Variants in MGAM observed in about 807,000 individuals in gnomAD.
MGAM encodes alpha-1,4-glucosidase.
A neutral mutation model predicts 358.8 loss-of-function variants in MGAM; 253 were observed. The observed-to-expected ratio is 0.71, with a 90% CI of 0.64 to 0.78. The LOEUF is 0.78. Among genes scored for constraint, MGAM ranks in the 30% least tolerant of loss-of-function variants. MGAM has a pLI of 0.00. For synonymous variants in MGAM, 1,105 were observed against 1,227.1 expected (o/e 0.90, Z 2.08); for missense variants, 3,080 against 3,432.6 (o/e 0.90, Z 2.57).
At chr7:142,014,612 C>G (rs1358285718) in intron 3 of MGAM, among the ~76,000 whole-genome samples, 1 of 152,070 alleles carries the variant, frequency 6.6e-6, no homozygotes, top group Non-Finnish European at 1.5e-5. Context: ...ACCTTTTCCT[C>G]CATCCTCTTT....
At position 142,008,706 on chromosome 7, in the gene MGAM, GT is replaced by G. The variant is rs1554453388; in HGVS notation, c.327+4del. On this transcript the variant is annotated splice_donor_variant, in intron 3 of 70. Transcript: ENST00000475668. LOFTEE classifies it high-confidence loss of function. ...CATCCCTGACCAGCCGCCAACAAAG[GT>G]TTGAGTTATGAATTTTGTTTCCATT... 2 of 1,607,638 alleles carry G rather than the reference GT, an allele frequency of 1.2e-6. No homozygotes were observed. Among genetic ancestry groups the G allele is most frequent in the Non-Finnish European group, 1.7e-6 (2 of 1,176,960 alleles).
chr7:142,044,006 G>A (rs1463345867), intron 21 of MGAM, among the ~76,000 whole-genome samples: 18 of 115,802 alleles, frequency 1.6e-4, no homozygotes, highest in South Asian at 5.0e-4. Context: ...CACATACGAC[G>A]TATAATATAT....
intron 64 of MGAM, 36 bp downstream of exon 64, chr7:142,095,749 T>A (rs1815849668): frequency 6.2e-7 from 1 of 1,608,648 alleles, no homozygotes; most frequent in South Asian, 1.1e-5. Context: ...GCCTAATGGA[T>A]GACTTATTGC....
intron 3 of MGAM, among the ~76,000 whole-genome samples, chr7:142,010,087 A>G (rs1805486863): frequency 6.6e-6 from 1 of 152,164 alleles, no homozygotes; most frequent in Non-Finnish European, 1.5e-5. Flanking sequence ...TGTAAATACC[A>G]TTGTTTGATT....
rs558635459 is a variant in MGAM at position 142,105,908 on chromosome 7, TCTAA to T, written c.*25_*28del. On this transcript the variant is annotated 3_prime_UTR_variant, in exon 71 of 71. Transcript: ENST00000475668. ...ACTCTGTGAATTTTTACAGCAAGAT[TCTAA>T]CTAACTATGAATGACTTTGAAACTA... The T allele has an allele frequency of 6.0e-3, 9,348 of 1,559,984 alleles. 37 individuals carry two copies. Among genetic ancestry groups the T allele is most frequent in the Non-Finnish European group, 7.3e-3 (8,252 of 1,130,958 alleles).
At chr7:142,063,427 C>T (rs2129042089) in intron 35 of MGAM, 72 bp from the exon 36 acceptor site, 3 of 1,541,312 alleles carry the variant, frequency 1.9e-6, no homozygotes, top group Middle Eastern at 2.2e-4. Context: ...TTATTCACTA[C>T]TTCCTTGGCT....
rs370387512 is a variant in MGAM at position 142,105,904 on chromosome 7, A to G, written c.*13A>G. ...AAGCACTCTGTGAATTTTTACAGCA[A>G]GATTCTAACTAACTATGAATGACTT... On this transcript the variant is annotated 3_prime_UTR_variant, in exon 71 of 71. Coordinates refer to ENST00000475668, the MANE Select transcript of MGAM (RefSeq NM_001365693.1). 2 of 1,571,700 alleles carry G rather than the reference A, an allele frequency of 1.3e-6. No individual in the cohort carries two copies. Among genetic ancestry groups the G allele is most frequent in the African/African-American group, 2.7e-5 (2 of 74,002 alleles).
At chr7:142,045,519 AAT>A (rs1222238691) in intron 21 of MGAM, among the ~76,000 whole-genome samples, 1 of 107,576 alleles carries the variant, frequency 9.3e-6, no homozygotes, top group Non-Finnish European at 1.6e-5. Context: ...ATATACATAT[AAT>A]ATATGATATA....
chr7:141,987,724 A>T (rs1482280185), intron 2 of MGAM, among the ~76,000 whole-genome samples: 1 of 152,190 alleles, frequency 6.6e-6, no homozygotes, highest in African/African-American at 2.4e-5. Flanking sequence ...CCCGTTTGGG[A>T]GACTTGGTGG....
chr7:142,002,420 G>A (rs1349341905), intron 1 of MGAM, among the ~76,000 whole-genome samples: 2 of 151,874 alleles, frequency 1.3e-5, no homozygotes, highest in Admixed American at 6.6e-5. Context: ...GATTCAACAT[G>A]CACAATTCCA....
intron 25 of MGAM, 47 bp from the exon 26 acceptor site, chr7:142,052,737 T>C: frequency 1.2e-6 from 2 of 1,603,314 alleles, no homozygotes; most frequent in Non-Finnish European, 1.7e-6. Context: ...TAGAGAACTT[T>C]AAGACCACAT....
chr7:142,049,090 TGTAA>T (rs1289699179), intron 22 of MGAM, among the ~76,000 whole-genome samples: 1 of 152,182 alleles, frequency 6.6e-6, no homozygotes, highest in Admixed American at 6.5e-5. Flanking sequence ...AGGTTTCACA[TGTAA>T]GTGAGACCAT....
intron 1 of MGAM, among the ~76,000 whole-genome samples, chr7:141,997,722 C>T (rs1308085582): frequency 1.3e-5 from 2 of 152,140 alleles, no homozygotes; most frequent in Admixed American, 6.5e-5. Context: ...CAAGGTCATA[C>T]AGCTGGCTAG....
In MGAM at chr7:142,034,788, C is replaced by T. The variant is rs373321374; in HGVS notation, c.1906C>T (p.Leu636=). Residue 636 remains leucine (L), a synonymous_variant, in exon 16 of 71, where the codon CTG becomes TTG. Coordinates refer to ENST00000475668, the MANE Select transcript of MGAM (RefSeq NM_001365693.1). ...AGACAACACTGCCACCTGGGATGAC[C>T]TGAGATGGTCCATCCCTGGCGTGCT... ...LGDNTATWDD[L]RWSIPGVLEF... The T allele has an allele frequency of 1.9e-6, 3 of 1,613,524 alleles. No homozygotes were observed. The highest frequency in any genetic ancestry group is 2.5e-6 in the Non-Finnish European group (3 of 1,179,570).
chr7:142,041,809 T>A (rs977591113), intron 21 of MGAM, among the ~76,000 whole-genome samples: 1 of 140,110 alleles, frequency 7.1e-6, no homozygotes, highest in African/African-American at 2.7e-5. Flanking sequence ...AAGAAATCTT[T>A]CCTTAATCTT....
intron 17 of MGAM, 33 bp from the exon 18 acceptor site, chr7:142,036,790 A>T: frequency 6.2e-7 from 1 of 1,604,918 alleles, no homozygotes; most frequent in Non-Finnish European, 8.5e-7. Flanking sequence ...TCCTGCAGCC[A>T]AACCACAACT....
At position 142,065,797 on chromosome 7, in the gene MGAM, C is replaced by G; in HGVS notation, c.4736C>G (p.Pro1579Arg). 3 of 1,556,284 alleles carry G rather than the reference C, an allele frequency of 1.9e-6. 1 individual carries two copies. The highest frequency in any genetic ancestry group is 2.6e-6 in the Non-Finnish European group (3 of 1,132,660). Reference protein sequence around the residue: ...VRWMQLGAFYPFSRNHNTIGT... With the variant: ...VRWMQLGAFYRFSRNHNTIGT... ...TGGATGCAGCTGGGGGCCTTTTACC[C>G]CTTCTCAAGAAACCACAATACCATT... Residue 1579 changes from proline (P) to arginine (R), a missense_variant, in exon 40 of 71, where the codon CCC (proline) becomes CGC (arginine). Pro to Arg is a moderately radical substitution (Grantham distance 103, BLOSUM62 -2). Around this residue, in one of 5 missense-constraint regions of MGAM, gnomAD observed 134 missense variants for 198.4 expected, o/e 0.68. Coordinates refer to ENST00000475668, the MANE Select transcript of MGAM (RefSeq NM_001365693.1).
intron 57 of MGAM, among the ~76,000 whole-genome samples, chr7:142,090,227 AG>A (rs1815239090): frequency 1.4e-5 from 2 of 146,106 alleles, no homozygotes; most frequent in Admixed American, 6.9e-5. Context: ...TGAAGTTGGA[AG>A]GGGTCATCCG....
At chr7:142,051,584 T>C (rs1488551950) in intron 24 of MGAM, among the ~76,000 whole-genome samples, 4 of 152,162 alleles carry the variant, frequency 2.6e-5, no homozygotes, top group Non-Finnish European at 4.4e-5. Flanking sequence ...GGTTTCAGAA[T>C]TGGAGTCTTT....
Sources: gnomAD v4.1 joint callset for allele counts (sites outside exome capture counted in the v4.1 genomes callset) on GRCh38, gnomAD v4.1.1 for gene constraint, gnomAD v4.1.1 regional missense constraint, MANE v1.5 for transcripts, NCBI Gene and HGNC (gene_info 2026-07-23, HGNC 2026-07-21) for gene names.